TOP6BL: variants seen among roughly 807,000 people sequenced by gnomAD.
TOP6BL encodes the protein TOP6B like initiator of meiotic double strand breaks.
At chr11:66,753,263 G>A in the TOP6BL span, among the ~76,000 whole-genome samples, 3 of 152,248 alleles carry the variant, frequency 2.0e-5, no homozygotes, top group Non-Finnish European at 2.9e-5. Flanking sequence ...TGTCTTGCGG[G>A]TGTATCCTTC....
the TOP6BL span, chr11:66,758,934 C>A: frequency 1.5e-6 from 1 of 656,296 alleles, no homozygotes; most frequent in South Asian, 3.0e-5. Flanking sequence ...GTAGTGGTCA[C>A]TTTTTAAATG....
At chr11:66,745,793 GGTTTGTTT>G in the TOP6BL span, among the ~76,000 whole-genome samples, 543 of 151,328 alleles carry the variant, frequency 3.6e-3, 4 homozygotes, top group African/African-American at 0.012. Context: ...ATATCTTTAG[GGTTTGTTT>G]GTTTGTTTGT....
At chr11:66,814,206 C>CA in the TOP6BL span, among the ~76,000 whole-genome samples, 1,645 of 152,204 alleles carry the variant, frequency 0.011, 36 homozygotes, top group African/African-American at 0.037. Context: ...GTCAAACAGG[C>CA]AAGCTCTTTC....
chr11:66,791,327 T>C, the TOP6BL span, among the ~76,000 whole-genome samples: 3,061 of 152,302 alleles, frequency 0.02, 117 homozygotes, highest in African/African-American at 0.068. Context: ...ACATGTCCCT[T>C]CAAAAGCAAT....
chr11:66,749,449 G>A, the TOP6BL span, among the ~76,000 whole-genome samples: 1 of 152,124 alleles, frequency 6.6e-6, no homozygotes, highest in Non-Finnish European at 1.5e-5. Context: ...AGCCACAGTA[G>A]TTTTTGGCAA....
At chr11:66,822,430 C>A in the TOP6BL span, 1 of 620,650 alleles carries the variant, frequency 1.6e-6, no homozygotes, top group Non-Finnish European at 2.9e-6. Flanking sequence ...ATGTGAGGAT[C>A]TCAGTAACTT....
the TOP6BL span, among the ~76,000 whole-genome samples, chr11:66,820,264 C>T: frequency 6.6e-6 from 1 of 152,146 alleles, no homozygotes; most frequent in Non-Finnish European, 1.5e-5. Context: ...CGTTCCCTAC[C>T]AGGAAAGGAT....
chr11:66,816,837 C>T, the TOP6BL span, among the ~76,000 whole-genome samples: 3 of 152,050 alleles, frequency 2.0e-5, no homozygotes, highest in Non-Finnish European at 4.4e-5. Flanking sequence ...CTCGGCATCC[C>T]CAAGTGCTTG....
At chr11:66,841,263 G>A in the TOP6BL span, among the ~76,000 whole-genome samples, 2 of 151,634 alleles carry the variant, frequency 1.3e-5, no homozygotes, top group Admixed American at 6.6e-5. Flanking sequence ...GATTACAGGC[G>A]CCCACCACCA....
the TOP6BL span, chr11:66,842,907 G>C: frequency 8.3e-6 from 13 of 1,571,736 alleles, no homozygotes; most frequent in Admixed American, 1.5e-4. Flanking sequence ...GCATAGAGGA[G>C]ATGCGAGCTC....
the TOP6BL span, chr11:66,815,986 C>A: frequency 6.9e-7 from 1 of 1,448,864 alleles, no homozygotes; most frequent in East Asian, 2.5e-5. Context: ...AATACAGGTT[C>A]TGTAGTCACT....
chr11:66,781,487 G>C, the TOP6BL span, among the ~76,000 whole-genome samples: 3 of 152,062 alleles, frequency 2.0e-5, no homozygotes, highest in African/African-American at 4.8e-5. Context: ...ATTTATAATA[G>C]ATTCTTTAAA....
the TOP6BL span, among the ~76,000 whole-genome samples, chr11:66,823,025 T>C: frequency 3.8e-3 from 573 of 150,854 alleles, 6 homozygotes; most frequent in African/African-American, 0.013. Context: ...CCCAGGGCAG[T>C]GGCTCATGCC....
At chr11:66,800,538 A>G in the TOP6BL span, 1 of 862,990 alleles carries the variant, frequency 1.2e-6, no homozygotes, top group Non-Finnish European at 1.8e-6. Context: ...TGTTAATTTA[A>G]AATTTTTTAA....
At chr11:66,766,323 G>C in the TOP6BL span, among the ~76,000 whole-genome samples, 7 of 152,114 alleles carry the variant, frequency 4.6e-5, no homozygotes, top group African/African-American at 7.2e-5. Flanking sequence ...ATCAATTCCT[G>C]TACCAAATAG....
chr11:66,767,795 T>C, the TOP6BL span, among the ~76,000 whole-genome samples: 1 of 152,268 alleles, frequency 6.6e-6, no homozygotes, highest in East Asian at 1.9e-4. Context: ...TGTTGTTCAT[T>C]GTTTTGTTTT....
At chr11:66,746,120 A>T in the TOP6BL span, among the ~76,000 whole-genome samples, 1 of 152,134 alleles carries the variant, frequency 6.6e-6, no homozygotes, top group Non-Finnish European at 1.5e-5. Context: ...ATATGGGAAT[A>T]TCGTAACAGA....
the TOP6BL span, among the ~76,000 whole-genome samples, chr11:66,778,297 T>A: frequency 6.6e-6 from 1 of 152,102 alleles, no homozygotes; most frequent in African/African-American, 2.4e-5. Flanking sequence ...TGAATTTCAG[T>A]TTCATTGTTA....
chr11:66,750,566 A>T, the TOP6BL span, among the ~76,000 whole-genome samples: 2 of 151,110 alleles, frequency 1.3e-5, no homozygotes, highest in East Asian at 3.9e-4. Flanking sequence ...CAAACAAAAA[A>T]CCCGACAGTA....
Sources: allele counts gnomAD v4.1 joint callset (sites outside exome capture counted in the v4.1 genomes callset), GRCh38; gene constraint gnomAD v4.1.1; transcripts MANE v1.5; gene names NCBI Gene and HGNC (gene_info 2026-07-23, HGNC 2026-07-21).